The following GHR variants were observed in gnomAD, a reference collection of about 807,000 sequenced individuals.
GHR encodes the protein GH receptor.
Under a neutral mutation model 67.1 loss-of-function variants are expected in GHR, and 35 were observed. That is an observed-to-expected ratio of 0.52 (90% confidence interval 0.40 to 0.69). GHR has a LOEUF of 0.69. Ranked by LOEUF, GHR falls within the 30% of genes least tolerant of loss-of-function variation. The pLI is 0.00. For synonymous variants in GHR, 272 were observed against 269.1 expected (o/e 1.01, Z -0.10); for missense variants, 792 against 764.6 (o/e 1.04, Z -0.42).
chr5:42,485,396 C>T (rs1390161029), intron 1 of GHR, among the ~76,000 whole-genome samples: 1 of 152,166 alleles, frequency 6.6e-6, no homozygotes, highest in East Asian at 1.9e-4. Flanking sequence ...CCATCATAGC[C>T]TTCATCATAA....
chr5:42,609,423 A>G (rs1752781829), intron 2 of GHR, among the ~76,000 whole-genome samples: 1 of 152,140 alleles, frequency 6.6e-6, no homozygotes. Context: ...CCAGCAACCT[A>G]TTATATGAAT....
At chr5:42,633,947 A>G (rs1180878586) in intron 3 of GHR, among the ~76,000 whole-genome samples, 1 of 152,152 alleles carries the variant, frequency 6.6e-6, no homozygotes, top group Non-Finnish European at 1.5e-5. Context: ...AGCTTTGCCC[A>G]GTTCCCACAA....
At chr5:42,550,883 A>AT (rs1457731337) in intron 1 of GHR, among the ~76,000 whole-genome samples, 2 of 152,102 alleles carry the variant, frequency 1.3e-5, no homozygotes, top group Non-Finnish European at 2.9e-5. Context: ...TTGCACCAAC[A>AT]CCCGGCACCC....
At chr5:42,698,041 C>A (rs922028568) in intron 5 of GHR, among the ~76,000 whole-genome samples, 1 of 152,066 alleles carries the variant, frequency 6.6e-6, no homozygotes, top group Admixed American at 6.6e-5. Context: ...TTATCCTGAG[C>A]AACTAGAGGA....
At chr5:42,579,193 TAGATAGAC>T (rs1359774319) in intron 2 of GHR, among the ~76,000 whole-genome samples, 8 of 143,442 alleles carry the variant, frequency 5.6e-5, no homozygotes, top group South Asian at 2.2e-4. Context: ...GATAGATAGA[TAGATAGAC>T]AGATAGATAG....
chr5:42,664,716 A>G (rs946610128), intron 3 of GHR, among the ~76,000 whole-genome samples: 14 of 152,346 alleles, frequency 9.2e-5, no homozygotes, highest in African/African-American at 3.4e-4. Flanking sequence ...ACCAAAAGCA[A>G]TGGCAACAAA....
intron 1 of GHR, among the ~76,000 whole-genome samples, chr5:42,516,644 A>G (rs1311592402): frequency 2.6e-5 from 4 of 152,358 alleles, no homozygotes; most frequent in African/African-American, 9.6e-5. Context: ...AAGTTCAAGA[A>G]GGAAAGTGGA....
intron 1 of GHR, among the ~76,000 whole-genome samples, chr5:42,548,691 A>G (rs1265026513): frequency 1.3e-5 from 2 of 151,754 alleles, no homozygotes; most frequent in Non-Finnish European, 2.9e-5. Flanking sequence ...TTCTGGGTTA[A>G]TTTCTCATTG....
chr5:42,531,336 G>A (rs1747958704), intron 1 of GHR, among the ~76,000 whole-genome samples: 1 of 152,050 alleles, frequency 6.6e-6, no homozygotes, highest in Admixed American at 6.6e-5. Flanking sequence ...ATTCTCAGCT[G>A]GGGCTTCTGA....
chr5:42,614,708 A>C (rs1239825623), intron 2 of GHR, among the ~76,000 whole-genome samples: 1 of 151,912 alleles, frequency 6.6e-6, no homozygotes, highest in Non-Finnish European at 1.5e-5. Context: ...GAAGGTTAAC[A>C]TTAGCAATTT....
chr5:42,711,171 CTT>C (rs1758436477), intron 6 of GHR, 34 bp from the exon 7 acceptor site: 8 of 1,554,456 alleles, frequency 5.1e-6, no homozygotes, highest in African/African-American at 2.7e-5. Flanking sequence ...GTTGTTGACT[CTT>C]TGGCCAATAT....
chr5:42,703,211 T>C (rs995167864), intron 6 of GHR, among the ~76,000 whole-genome samples: 1 of 152,056 alleles, frequency 6.6e-6, no homozygotes, highest in African/African-American at 2.4e-5. Context: ...AAGTCTTTAA[T>C]CGATTTTGAG....
intron 4 of GHR, among the ~76,000 whole-genome samples, chr5:42,690,242 A>G (rs768626081): frequency 6.6e-6 from 1 of 152,194 alleles, no homozygotes; most frequent in Non-Finnish European, 1.5e-5. Flanking sequence ...AGTTAAGGGT[A>G]TGAGCTCAGG....
intron 2 of GHR, among the ~76,000 whole-genome samples, chr5:42,579,074 T>G (rs866657558): frequency 1.6e-5 from 2 of 123,822 alleles, no homozygotes; most frequent in East Asian, 2.6e-4. Context: ...AATCTGACAC[T>G]ATAGATAGAT....
At chr5:42,705,674 C>T (rs2111778564) in intron 6 of GHR, among the ~76,000 whole-genome samples, 1 of 152,174 alleles carries the variant, frequency 6.6e-6, no homozygotes, top group East Asian at 1.9e-4. Context: ...CCTGTTCATG[C>T]ATTAGTGTGC....
intron 6 of GHR, among the ~76,000 whole-genome samples, chr5:42,705,465 A>G (rs1179246988): frequency 1.3e-5 from 2 of 152,002 alleles, no homozygotes; most frequent in African/African-American, 4.8e-5. Context: ...GGTAAATTGC[A>G]TGTCACAGGG....
intron 1 of GHR, among the ~76,000 whole-genome samples, chr5:42,482,622 A>G (rs1745698831): frequency 6.6e-6 from 1 of 151,950 alleles, no homozygotes. Context: ...CTTGCAGTTC[A>G]ATCTTAGACT....
chr5:42,472,970 G>A (rs1466684272), intron 1 of GHR, among the ~76,000 whole-genome samples: 1 of 152,166 alleles, frequency 6.6e-6, no homozygotes, highest in Non-Finnish European at 1.5e-5. Flanking sequence ...TTAAGATTGG[G>A]TGAATTGCTA....
intron 1 of GHR, among the ~76,000 whole-genome samples, chr5:42,428,704 C>A (rs760102164): frequency 9.9e-5 from 15 of 152,174 alleles, no homozygotes; most frequent in Non-Finnish European, 1.9e-4. Context: ...AAAAATGCCA[C>A]CAGTCTCTTT....
Sources: gnomAD v4.1 joint callset for allele counts (sites outside exome capture counted in the v4.1 genomes callset) on GRCh38, gnomAD v4.1.1 for gene constraint, MANE v1.5 for transcripts, NCBI Gene and HGNC (gene_info 2026-07-23, HGNC 2026-07-21) for gene names.